SCAF1: variants seen among roughly 807,000 people sequenced by gnomAD.
SCAF1 encodes the protein splicing factor, arginine/serine-rich 19.
A neutral mutation model predicts 91.2 loss-of-function variants in SCAF1; 28 were observed. The ratio of observed to expected loss-of-function variants is 0.31; its 90% CI spans 0.23 to 0.42. The LOEUF is 0.42. Among genes scored for constraint, SCAF1 ranks in the 10% least tolerant of loss-of-function variants. The pLI, the probability that SCAF1 is intolerant of heterozygous loss-of-function variation, is 1.00. For synonymous variants in SCAF1, 1,036 were observed against 833.7 expected (o/e 1.24, Z -4.18); for missense variants, 1,893 against 1,872.1 (o/e 1.01, Z -0.21).
intron 10 of SCAF1, 106 bp downstream of exon 10, chr19:49,657,995 G>A (rs918677362): frequency 3.5e-5 from 51 of 1,442,756 alleles, no homozygotes; most frequent in Admixed American, 2.3e-4. Context: ...GAGGAGGTCA[G>A]TCTGGGAGGT....
Position 49,652,605 on chromosome 19 carries a change from G to T in SCAF1, c.2216G>T (p.Gly739Val). ...EVLYDSEGLS[G>V]EERGGKSSQK... ...CTGTACGACTCCGAGGGACTGAGCG[G>T]CGAGGAGCGGGGCGGCAAGAGCAGC... Residue 739 changes from glycine to valine, a missense_variant, in exon 7 of 11, where the codon GGC becomes GTC. Coordinates refer to ENST00000360565, the MANE Select transcript of SCAF1 (RefSeq NM_021228.3). The T allele has an allele frequency of 6.4e-7, 1 of 1,564,114 alleles. No homozygotes were observed. Among genetic ancestry groups the T allele is most frequent in the Non-Finnish European group, 8.7e-7 (1 of 1,154,238 alleles).
intron 6 of SCAF1, among the ~76,000 whole-genome samples, chr19:49,648,969 C>CAAA (rs71180644): frequency 3.1e-5 from 2 of 63,948 alleles, no homozygotes; most frequent in Non-Finnish European, 6.4e-5. Flanking sequence ...GACTCCCTCT[C>CAAA]AAAAAAAAAA....
chr19:49,653,630 C>T lies in SCAF1; in HGVS notation c.3241C>T (p.Leu1081=). Residue 1081 remains leucine, a synonymous_variant, in exon 7 of 11, where the codon CTG becomes TTG. Transcript: ENST00000360565. The part of the protein sequence containing the change: ...EDGPASRVSQ[L]PTLPPPMPWN... ...CGGGCCAGCTTCCCGTGTCTCCCAG[C>T]TGCCCACGTTGCCCCCGCCCATGCC... 1 of 1,585,194 alleles carries T rather than the reference C, an allele frequency of 6.3e-7. No homozygotes were observed. The highest frequency in any genetic ancestry group is 2.3e-5 in the East Asian group (1 of 43,994).
At position 49,653,447 on chromosome 19, in the gene SCAF1, G is replaced by A; in HGVS notation, c.3058G>A (p.Gly1020Arg). Residue 1020 changes from glycine (G) to arginine (R), a missense_variant, in exon 7 of 11, where the codon GGG (glycine) becomes AGG (arginine). Physicochemically the swap from Gly to Arg is moderately radical, Grantham distance 125. Transcript: ENST00000360565. ...EATEEAGVRG[G>R]AEEEEEEEEE... Reference sequence around the variant, plus strand: ...CACTGAGGAGGCTGGGGTCCGAGGTGGGGCGGAGGAGGAGGAGGAGGAAGA... The same window carrying A: ...CACTGAGGAGGCTGGGGTCCGAGGTAGGGCGGAGGAGGAGGAGGAGGAAGA... 6.5e-6 allele frequency: 10 copies of A among 1,546,828 alleles called. No individual in the cohort carries two copies. Among genetic ancestry groups the A allele is most frequent in the Non-Finnish European group, 8.7e-6 (10 of 1,146,284 alleles).
chr19:49,656,512 C>A (rs2081140284), intron 9 of SCAF1, among the ~76,000 whole-genome samples: 1 of 152,192 alleles, frequency 6.6e-6, no homozygotes, highest in African/African-American at 2.4e-5. Flanking sequence ...AGGGACTGTC[C>A]CTTGTGCCTG....
At position 49,646,431 on chromosome 19, in the gene SCAF1, T is replaced by A; in HGVS notation, c.262-95T>A. The A allele has an allele frequency of 8.9e-7, 1 of 1,120,024 alleles. No individual in the cohort carries two copies. The highest frequency in any genetic ancestry group is 1.3e-6 in the Non-Finnish European group (1 of 744,250). 69.4% of individuals were successfully genotyped at this position (1,120,024 alleles called of 1,614,324 possible). The stretch of plus-strand genomic sequence containing the variant: ...CCTCAGTTTTCTTGGGGATCTTAGA[T>A]GTCTGGGTTCCTGAGAGGTTAGGGA... On this transcript the variant is annotated intron_variant, in intron 4 of 10. Coordinates refer to ENST00000360565, the MANE Select transcript of SCAF1 (RefSeq NM_021228.3). This position sits in a 1 kb window ranked among gnomAD's most constrained non-coding sequence, Gnocchi z 5.6.
Position 49,651,945 on chromosome 19 carries a change from C to T in SCAF1, c.1556C>T (p.Ser519Phe). ...GCTGGTCCGCCCACGCGCAAGAAGT[C>T]CAGGCGGGAACGCAAGCGCAGCGGC... ...AAAGPPTRKK[S>F]RRERKRSGEA... The change falls in exon 7 of 11, where the codon TCC becomes TTC. Residue 519 changes from serine to phenylalanine, a missense_variant. By Grantham distance (155) the Ser-to-Phe change is radical. This residue lies in a region of SCAF1 where 1,436 missense variants were observed against 1,306.8 expected (regional missense o/e 1.10). Coordinates refer to ENST00000360565, the MANE Select transcript of SCAF1 (RefSeq NM_021228.3). 1 of 1,197,182 alleles carries T rather than the reference C, an allele frequency of 8.4e-7. No individual in the cohort carries two copies. The highest frequency in any genetic ancestry group is 1.0e-6 in the Non-Finnish European group (1 of 955,938). The allele number at this position is 1,197,182 out of a possible 1,614,324, so 74.2% of individuals were successfully genotyped here.
Position 49,644,844 on chromosome 19 carries a change from C to T in SCAF1, c.-6-177C>T. 5.3e-6 allele frequency: 3 copies of T among 560,776 alleles called. No homozygotes were observed. In the South Asian group the frequency reaches 6.6e-5, roughly 12 times the overall value. The allele number at this position is 560,776 out of a possible 1,614,324, so 34.7% of individuals were successfully genotyped here. ...GCTCCTAGTCCCTGGGGTGTCTGTG[C>T]TGGGTCCAGCGCCCACCCAAGCACA... On this transcript the variant is annotated intron_variant, in intron 1 of 10. Coordinates refer to ENST00000360565, the MANE Select transcript of SCAF1 (RefSeq NM_021228.3).
rs567927402 is a variant in SCAF1, at chr19:49,651,133, C to T, written c.744C>T (p.Tyr248=). 4.3e-5 allele frequency: 70 copies of T among 1,611,800 alleles called. No homozygotes were observed. Among genetic ancestry groups the T allele is most frequent in the Non-Finnish European group, 5.7e-5 (67 of 1,179,440 alleles). The change falls in exon 7 of 11, where the codon TAC becomes TAT. Residue 248 remains tyrosine, a synonymous_variant. Transcript: ENST00000360565. ...CACCGCCTGCTCCGGAGCAAAAGTA[C>T]GACCCTTTTGAGCCCACCGGCTCCA... ...YSPPPAPEQK[Y]DPFEPTGSNP...
chr19:49,644,395 CT>C (rs2081043071), intron 1 of SCAF1, among the ~76,000 whole-genome samples: 1 of 152,190 alleles, frequency 6.6e-6, no homozygotes, highest in Admixed American at 6.5e-5. Flanking sequence ...TTCGGCATGT[CT>C]TTCTGAAGTT....
At position 49,652,631 on chromosome 19, in the gene SCAF1, C is replaced by G. The variant is rs1338709677; in HGVS notation, c.2242C>G (p.Gln748Glu). 1 of 1,562,720 alleles carries G rather than the reference C, an allele frequency of 6.4e-7. No homozygotes were observed. Among genetic ancestry groups the G allele is most frequent in the Non-Finnish European group, 8.7e-7 (1 of 1,153,726 alleles). Residue 748 changes from glutamine to glutamate, a missense_variant, in exon 7 of 11, where the codon CAG (glutamine) becomes GAG (glutamate). By Grantham distance (29) the Gln-to-Glu change is conservative. This residue lies in a region of SCAF1 where 1,436 missense variants were observed against 1,306.8 expected (regional missense o/e 1.10). Transcript: ENST00000360565. ...SGEERGGKSS[Q>E]KDRRRSGAAS... Reference sequence around the variant, plus strand: ...CGAGGAGCGGGGCGGCAAGAGCAGCCAGAAGGATCGGCGCCGCTCGGGGGC... The same window carrying G: ...CGAGGAGCGGGGCGGCAAGAGCAGCGAGAAGGATCGGCGCCGCTCGGGGGC...
At chr19:49,658,142 C>G (rs2081157029) in intron 10 of SCAF1, 66 bp from the exon 11 acceptor site, 1 of 1,525,550 alleles carries the variant, frequency 6.6e-7, no homozygotes, top group Non-Finnish European at 8.9e-7. Context: ...AAGCTGCGCC[C>G]AACAGTCCTG....
Position 49,652,727 on chromosome 19 carries a change from CGGGACAGGGACA to C in SCAF1, c.2340_2351del (p.Asp787_Arg790del). On this transcript the variant is annotated inframe_deletion, in exon 7 of 11. Coordinates refer to ENST00000360565, the MANE Select transcript of SCAF1 (RefSeq NM_021228.3). Reference sequence around the variant, plus strand: ...GGCGCTGGACGGGGGTGACCGGGATCGGGACAGGGACAGAGATAGGGACAGGGACAGGTCATC... The same window carrying C: ...GGCGCTGGACGGGGGTGACCGGGATCGAGATAGGGACAGGGACAGGTCATC... 6.3e-7 allele frequency: 1 copy of C among 1,599,286 alleles called. No individual in the cohort carries two copies. Among genetic ancestry groups the C allele is most frequent in the South Asian group, 1.1e-5 (1 of 89,330 alleles).
In SCAF1 at chr19:49,642,506, C is replaced by G. The variant is rs2081032787; in HGVS notation, c.-7+264C>G. The stretch of plus-strand genomic sequence containing the variant: ...ACTTGGGGCGTCTCTGGGCCTAGAC[C>G]GAGCCTAAGGCCTGCCCTCCATCAC... On this transcript the variant is annotated intron_variant, in intron 1 of 10. Coordinates refer to ENST00000360565, the MANE Select transcript of SCAF1 (RefSeq NM_021228.3). The surrounding 1 kb of genome is among the most constrained non-coding windows in gnomAD (Gnocchi z 4.0). Among the ~76,000 whole-genome samples, 1 of 152,068 alleles carries G rather than the reference C, an allele frequency of 6.6e-6. No homozygotes were observed. Among genetic ancestry groups the G allele is most frequent in the Admixed American group, 6.5e-5 (1 of 15,286 alleles).
chr19:49,651,853 C>A lies in SCAF1; in HGVS notation c.1464C>A (p.Thr488=). The A allele has an allele frequency of 8.0e-7, 1 of 1,252,908 alleles. No homozygotes were observed. Among genetic ancestry groups the A allele is most frequent in the Non-Finnish European group, 1.0e-6 (1 of 998,916 alleles). 77.6% of individuals were successfully genotyped at this position (1,252,908 alleles called of 1,614,324 possible). ...GGLDLRRKIL[T]QRRERYRQRS... ...TGGACCTGCGCCGCAAGATCCTGAC[C>A]CAACGGCGGGAGCGCTACCGCCAGC... Residue 488 remains threonine (T), a synonymous_variant, in exon 7 of 11, where the codon ACC becomes ACA. Transcript: ENST00000360565.
chr19:49,654,014 C>T (rs1211643887), intron 7 of SCAF1, among the ~76,000 whole-genome samples: 3 of 152,144 alleles, frequency 2.0e-5, no homozygotes, highest in East Asian at 1.9e-4. Context: ...GTATTCCTTA[C>T]GGATGGCGGT....
At chr19:49,654,523 C>A in intron 8 of SCAF1, 92 bp downstream of exon 8, 1 of 1,407,068 alleles carries the variant, frequency 7.1e-7, no homozygotes, top group Non-Finnish European at 1.0e-6. Context: ...AGCTCTGGGG[C>A]AAGGTATCGG....
Position 49,651,857 on chromosome 19 carries a change from C to T in SCAF1, c.1468C>T (p.Arg490Trp). The change falls in exon 7 of 11, where the codon CGG (arginine) becomes TGG (tryptophan). Residue 490 changes from arginine to tryptophan, a missense_variant. This residue lies in a region of SCAF1 where 1,436 missense variants were observed against 1,306.8 expected (regional missense o/e 1.10). Transcript: ENST00000360565. ...CCTGCGCCGCAAGATCCTGACCCAA[C>T]GGCGGGAGCGCTACCGCCAGCGCTC... ...LDLRRKILTQ[R>W]RERYRQRSPS... 4.0e-6 allele frequency: 5 copies of T among 1,244,470 alleles called. No homozygotes were observed. The highest frequency in any genetic ancestry group is 5.0e-6 in the Non-Finnish European group (5 of 993,608). The allele number at this position is 1,244,470 out of a possible 1,614,324, so 77.1% of individuals were successfully genotyped here. A position where few individuals can be genotyped will look rare whatever the true frequency, so the allele number is the denominator to read the frequency against.
rs1249136897 is a variant in SCAF1 at position 49,646,500 on chromosome 19, C to T, written c.262-26C>T. On this transcript the variant is annotated intron_variant, in intron 4 of 10. Coordinates refer to ENST00000360565, the MANE Select transcript of SCAF1 (RefSeq NM_021228.3). The surrounding 1 kb of genome is among the most constrained non-coding windows in gnomAD (Gnocchi z 5.6). ...CCAGTCTTCATGTGACCAGGGACGG[C>T]GTAGAGCCTCTCTGGCCTCTTCCAG... The T allele has an allele frequency of 5.6e-6, 9 of 1,594,740 alleles. No individual in the cohort carries two copies. Among genetic ancestry groups the T allele is most frequent in the Non-Finnish European group, 6.0e-6 (7 of 1,162,732 alleles).
Sources: allele counts gnomAD v4.1 joint callset (sites outside exome capture counted in the v4.1 genomes callset), GRCh38; gene constraint gnomAD v4.1.1; regional missense constraint gnomAD v4.1.1; non-coding constraint Gnocchi (gnomAD v3.1); transcripts MANE v1.5; gene names NCBI Gene and HGNC (gene_info 2026-07-23, HGNC 2026-07-21).